KCNIP4: variants seen among roughly 807,000 people sequenced by gnomAD.
The protein encoded by KCNIP4 is potassium voltage-gated channel interacting protein 4, also known as Kv channel-interacting protein 4.
Under a neutral mutation model 34.0 loss-of-function variants are expected in KCNIP4, and 12 were observed. The ratio of observed to expected loss-of-function variants is 0.35; its 90% CI spans 0.23 to 0.57. The LOEUF (loss-of-function observed/expected upper bound fraction) is 0.57. Among genes scored for constraint, KCNIP4 ranks in the 20% least tolerant of loss-of-function variants. The pLI, the probability that KCNIP4 is intolerant of heterozygous loss-of-function variation, is 0.83. For missense variants in KCNIP4, 238 were observed against 311.7 expected (o/e 0.76, Z 1.78); for synonymous variants, 124 against 102.2 (o/e 1.21, Z -1.29).
At chr4:21,042,951 T>C (rs534713400) in intron 1 of KCNIP4, among the ~76,000 whole-genome samples, 7 of 152,336 alleles carry the variant, frequency 4.6e-5, no homozygotes, top group Admixed American at 3.3e-4. Flanking sequence ...ATCAGAGTTC[T>C]AAATGACATG....
intron 1 of KCNIP4, among the ~76,000 whole-genome samples, chr4:21,550,926 G>A (rs1164124246): frequency 1.3e-5 from 2 of 152,062 alleles, no homozygotes; most frequent in African/African-American, 4.8e-5. Flanking sequence ...TCCGTAGTCA[G>A]TTGTATTATC....
At chr4:21,753,909 C>A (rs956222673) in intron 1 of KCNIP4, among the ~76,000 whole-genome samples, 2 of 152,112 alleles carry the variant, frequency 1.3e-5, no homozygotes, top group African/African-American at 4.8e-5. Context: ...TTCTCTCCAT[C>A]TACTGACCCC....
At chr4:21,481,468 A>C (rs1560447767) in intron 1 of KCNIP4, among the ~76,000 whole-genome samples, 1 of 152,156 alleles carries the variant, frequency 6.6e-6, no homozygotes, top group Non-Finnish European at 1.5e-5. Context: ...TGGGTCAGAG[A>C]ATTCTGAAGG....
At chr4:21,774,207 C>T (rs1408301874) in intron 1 of KCNIP4, among the ~76,000 whole-genome samples, 1 of 152,010 alleles carries the variant, frequency 6.6e-6, no homozygotes, top group Non-Finnish European at 1.5e-5. Flanking sequence ...CTTAGTTTGG[C>T]TGGATATGAA....
intron 1 of KCNIP4, among the ~76,000 whole-genome samples, chr4:21,930,062 G>A (rs1210605139): frequency 6.6e-6 from 1 of 152,052 alleles, no homozygotes; most frequent in African/African-American, 2.4e-5. Context: ...GCTCCTAAAT[G>A]TGTATTTCTA....
intron 3 of KCNIP4, among the ~76,000 whole-genome samples, chr4:20,828,200 G>A (rs1445071187): frequency 2.0e-5 from 3 of 152,262 alleles, no homozygotes; most frequent in East Asian, 3.9e-4. Context: ...AGGCCGAGGC[G>A]GGTGGATCCC....
rs562480942 is a variant in KCNIP4, at chr4:21,108,330, C to T, written c.62-225621G>A. On this transcript the variant is annotated intron_variant, in intron 1 of 8. Transcript: ENST00000382152. ...TATTTTTTCTCTAAACTTCCCTTCT[C>T]GCTTCATTTCATTCATTTCATCTTC... 3.0e-3 allele frequency among the ~76,000 whole-genome samples: 443 copies of T among 148,454 alleles called. 22 individuals carry two copies. Among genetic ancestry groups the T allele is most frequent in the African/African-American group, 0.01 (405 of 38,864 alleles).
chr4:20,802,356 A>C (rs1208036391), intron 3 of KCNIP4, among the ~76,000 whole-genome samples: 1 of 151,360 alleles, frequency 6.6e-6, no homozygotes, highest in Non-Finnish European at 1.5e-5. Flanking sequence ...ACCTGAATAC[A>C]CAATGTAAAT....
At chr4:20,963,158 TA>T (rs1016510577) in intron 1 of KCNIP4, among the ~76,000 whole-genome samples, 34 of 149,952 alleles carry the variant, frequency 2.3e-4, no homozygotes, top group Middle Eastern at 3.5e-3. Context: ...CTGTCTTTAC[TA>T]AAAATACAAA....
At chr4:20,830,547 T>C (rs1386416538) in intron 3 of KCNIP4, among the ~76,000 whole-genome samples, 1 of 152,238 alleles carries the variant, frequency 6.6e-6, no homozygotes, top group African/African-American at 2.4e-5. Context: ...GTTTCTGTTA[T>C]AATTCTGTCT....
chr4:20,867,933 G>A (rs1354640094), intron 2 of KCNIP4, among the ~76,000 whole-genome samples: 2 of 151,884 alleles, frequency 1.3e-5, no homozygotes, highest in East Asian at 3.9e-4. Context: ...TAATGTTAAT[G>A]GGTGCAGCAC....
At chr4:21,737,762 T>C (rs556320597) in intron 1 of KCNIP4, among the ~76,000 whole-genome samples, 2 of 152,144 alleles carry the variant, frequency 1.3e-5, no homozygotes, top group South Asian at 4.1e-4. Context: ...GAAAATACTC[T>C]GCGGAACCTA....
chr4:21,873,132 G>A (rs1578097075), intron 1 of KCNIP4, among the ~76,000 whole-genome samples: 1 of 152,134 alleles, frequency 6.6e-6, no homozygotes, highest in Admixed American at 6.6e-5. Flanking sequence ...AGAGAACCAC[G>A]TTGTCCAAAT....
chr4:21,757,202 A>G (rs60406104), intron 1 of KCNIP4, among the ~76,000 whole-genome samples: 2,297 of 24,816 alleles, frequency 0.093, 77 homozygotes, highest in East Asian at 0.16. Context: ...AAGGAAGGAA[A>G]GAAAGAAAGA....
intron 1 of KCNIP4, among the ~76,000 whole-genome samples, chr4:20,962,484 G>A (rs1733942533): frequency 6.6e-6 from 1 of 152,162 alleles, no homozygotes; most frequent in African/African-American, 2.4e-5. Flanking sequence ...TAGGGGTAAA[G>A]GTGATGTTAT....
At chr4:21,178,583 A>C (rs1414789566) in intron 1 of KCNIP4, among the ~76,000 whole-genome samples, 3 of 150,662 alleles carry the variant, frequency 2.0e-5, no homozygotes, top group Admixed American at 6.6e-5. Flanking sequence ...GTTGGTGATG[A>C]TATTTAAGGA....
At position 21,635,413 on chromosome 4, in the gene KCNIP4, A is replaced by C. The variant is rs563989835; in HGVS notation, c.61+313158T>G. On this transcript the variant is annotated intron_variant, in intron 1 of 8. Transcript: ENST00000382152. ...CATCAGGATGTGCTTCTTTTAACAC[A>C]TAATGCTGTTGGTTAATTGGGTTTT... is the stretch of plus-strand genomic sequence containing the variant. Among the ~76,000 whole-genome samples the C allele has an allele frequency of 1.4e-4, 21 of 152,320 alleles. No homozygotes were observed. The South Asian group carries it at 4.3e-3, about 32-fold the overall frequency.
chr4:20,894,935 G>T (rs1189900399), intron 1 of KCNIP4, among the ~76,000 whole-genome samples: 1 of 152,162 alleles, frequency 6.6e-6, no homozygotes, highest in Non-Finnish European at 1.5e-5. Context: ...TACCTTACAA[G>T]CATCATATTA....
intron 1 of KCNIP4, among the ~76,000 whole-genome samples, chr4:21,593,119 TTGTGTGTGTG>T (rs536946716): frequency 7.4e-6 from 1 of 134,872 alleles, no homozygotes; most frequent in Non-Finnish European, 1.6e-5. Flanking sequence ...GTGTGTGTGT[TTGTGTGTGTG>T]TGTGTGTGTG....
Sources: gnomAD v4.1 joint callset for allele counts (sites outside exome capture counted in the v4.1 genomes callset) on GRCh38, gnomAD v4.1.1 for gene constraint, MANE v1.5 for transcripts, NCBI Gene and HGNC (gene_info 2026-07-23, HGNC 2026-07-21) for gene names.